Variants in CAD observed in about 807,000 individuals in gnomAD.
CAD encodes the protein multifunctional protein CAD.
Under a neutral mutation model 237.2 loss-of-function variants are expected in CAD, and 81 were observed. The observed-to-expected ratio is 0.34, with a 90% CI of 0.29 to 0.41. The LOEUF is 0.41. Among genes scored for constraint, CAD ranks in the 10% least tolerant of loss-of-function variants. The pLI is 1.00. For missense variants in CAD, 2,181 were observed against 2,951.7 expected, an observed-to-expected ratio of 0.74 and a Z score of 6.05; for synonymous variants, 1,196 against 1,162.8, an observed-to-expected ratio of 1.03 and a Z score of -0.58.
intron 15 of CAD, among the ~76,000 whole-genome samples, chr2:27,229,634 T>C (rs1408508367): frequency 6.6e-6 from 1 of 151,890 alleles, no homozygotes; most frequent in Admixed American, 6.6e-5. Context: ...TCCCAGCACA[T>C]TGGGAGGGTG....
chr2:27,224,592 T>C, intron 9 of CAD, 102 bp downstream of exon 9: 1 of 1,551,390 alleles, frequency 6.4e-7, no homozygotes. Context: ...TGAACCAGAT[T>C]TGGGGAATGT....
chr2:27,242,422 A>G lies in CAD; in HGVS notation c.6217A>G (p.Met2073Val), dbSNP rs1443539778. 3 of 1,613,490 alleles carry G rather than the reference A, an allele frequency of 1.9e-6. No homozygotes were observed. Among genetic ancestry groups the G allele is most frequent in the African/African-American group, 1.3e-5 (1 of 75,046 alleles). Reference sequence around the variant, plus strand: ...TGAGGAGCTGGGAACTGTCAATGGCATGACGGTGAGGGTGGTGGCAGGGTT... The same window carrying G: ...TGAGGAGCTGGGAACTGTCAATGGCGTGACGGTGAGGGTGGTGGCAGGGTT... ...IREELGTVNG[M>V]TITMVGDLKH... Residue 2073 changes from methionine (M) to valine (V), a missense_variant, in exon 40 of 44, where the codon ATG (methionine) becomes GTG (valine). Transcript: ENST00000264705. The surrounding 1 kb of genome is among the most constrained non-coding windows in gnomAD (Gnocchi z 6.4).
In CAD at chr2:27,233,493, T is replaced by C. The variant is rs888352800; in HGVS notation, c.3173T>C (p.Ile1058Thr). The C allele has an allele frequency of 6.2e-7, 1 of 1,614,170 alleles. No individual in the cohort carries two copies. The highest frequency in any genetic ancestry group is 8.5e-7 in the Non-Finnish European group (1 of 1,180,032). ...RFKFSRLLDT[I>T]GISQPQWREL... The stretch of plus-strand genomic sequence containing the variant: ...AAGTTTTCCCGGCTCCTTGACACCA[T>C]TGGTATCAGCCAGCCTCAGTGGAGG... The change falls in exon 20 of 44, where the codon ATT becomes ACT. Residue 1058 changes from isoleucine to threonine, a missense_variant. This residue lies in a region of CAD where 306 missense variants were observed against 607.9 expected (regional missense o/e 0.50). Transcript: ENST00000264705. This position sits in a 1 kb window ranked among gnomAD's most constrained non-coding sequence, Gnocchi z 6.3.
In CAD at chr2:27,226,599, G is replaced by T. The variant is rs1405662141; in HGVS notation, c.2106G>T (p.Leu702=). ...ALASKATGYP[L]AYVAAKLALG... ...CCAGTAAGGCCACAGGTTATCCACT[G>T]GCTTATGTGGCAGCCAAGCTAGCAT... Residue 702 remains leucine, a synonymous_variant, in exon 14 of 44, where the codon CTG becomes CTT. Coordinates refer to ENST00000264705, the MANE Select transcript of CAD (RefSeq NM_004341.5). 3 of 1,614,056 alleles carry T rather than the reference G, an allele frequency of 1.9e-6. No homozygotes were observed. Among genetic ancestry groups the T allele is most frequent in the Non-Finnish European group, 2.5e-6 (3 of 1,180,034 alleles).
chr2:27,229,876 G>GA (rs1215538368), intron 15 of CAD, among the ~76,000 whole-genome samples: 7,721 of 85,180 alleles, frequency 0.091, 362 homozygotes, highest in African/African-American at 0.15. Context: ...CTACGTCTCA[G>GA]AAAAAAAAAA....
chr2:27,227,806 A>G (rs1558533135), intron 15 of CAD, among the ~76,000 whole-genome samples: 1 of 152,242 alleles, frequency 6.6e-6, no homozygotes, highest in Non-Finnish European at 1.5e-5. Context: ...TTATACAAGT[A>G]AGAAACATGA....
rs1422317529 is a variant in CAD at position 27,226,325 on chromosome 2, C to G, written c.2031+6C>G. On this transcript the variant is annotated splice_donor_region_variant and intron_variant, in intron 13 of 43. Transcript: ENST00000264705. The stretch of plus-strand genomic sequence containing the variant: ...TGAACCCTGAGTCTGAGCAGGTAAG[C>G]TCTAGGCCCTGGAACTGATAGTCTA... 1.2e-6 allele frequency: 2 copies of G among 1,613,322 alleles called. No individual in the cohort carries two copies. Among genetic ancestry groups the G allele is most frequent in the African/African-American group, 2.7e-5 (2 of 75,008 alleles).
rs1009692527 is a variant in CAD at position 27,236,478 on chromosome 2, C to T, written c.4269C>T (p.Ser1423=). ...CCCGACGCTTGGCCGCTGACTTCTC[C>T]GTGCCCCTAATCATCGATATCAAGT... is the stretch of plus-strand genomic sequence containing the variant. ...YRTRRLAADF[S]VPLIIDIKCT... The change falls in exon 26 of 44, where the codon TCC becomes TCT. Residue 1423 remains serine, a synonymous_variant. Transcript: ENST00000264705. This position sits in a 1 kb window ranked among gnomAD's most constrained non-coding sequence, Gnocchi z 4.1. 7.4e-6 allele frequency: 12 copies of T among 1,613,566 alleles called. No homozygotes were observed. The highest frequency in any genetic ancestry group is 1.6e-4 in the Middle Eastern group (1 of 6,082).
At chr2:27,225,267 G>A in intron 11 of CAD, 24 bp downstream of exon 11, 1 of 1,370,212 alleles carries the variant, frequency 7.3e-7, no homozygotes, top group Non-Finnish European at 1.0e-6. Flanking sequence ...TTGGGTAAAG[G>A]AAGAATGGTG....
chr2:27,236,862 C>T lies in CAD; in HGVS notation c.4396+32C>T. 6.3e-7 allele frequency: 1 copy of T among 1,576,166 alleles called. No individual in the cohort carries two copies. Among genetic ancestry groups the T allele is most frequent in the Non-Finnish European group, 8.7e-7 (1 of 1,145,468 alleles). On this transcript the variant is annotated intron_variant, in intron 27 of 43. Transcript: ENST00000264705. This position sits in a 1 kb window ranked among gnomAD's most constrained non-coding sequence, Gnocchi z 4.1. The stretch of plus-strand genomic sequence containing the variant: ...CTTTGGGGAGAACTTGGCTTCTGAA[C>T]ACTGGCAGCCCCTGGCATAGAGACC...
At position 27,240,373 on chromosome 2, in the gene CAD, G is replaced by A. The variant is rs1676254839; in HGVS notation, c.5593+12G>A. On this transcript the variant is annotated intron_variant, in intron 35 of 43. Coordinates refer to ENST00000264705, the MANE Select transcript of CAD (RefSeq NM_004341.5). The surrounding 1 kb of genome is among the most constrained non-coding windows in gnomAD (Gnocchi z 4.6). Reference sequence around the variant, plus strand: ...CCCAGGTTTGCCAGGTAAGAGTGGGGTTCCTGTGACTCAGAGACTGTGTAG... The same window carrying A: ...CCCAGGTTTGCCAGGTAAGAGTGGGATTCCTGTGACTCAGAGACTGTGTAG... 6.2e-7 allele frequency: 1 copy of A among 1,612,248 alleles called. No individual in the cohort carries two copies. Among genetic ancestry groups the A allele is most frequent in the Non-Finnish European group, 8.5e-7 (1 of 1,178,288 alleles).
At position 27,222,216 on chromosome 2, in the gene CAD, C is replaced by G. The variant is rs539232010; in HGVS notation, c.375C>G (p.Thr125=). Residue 125 remains threonine, a synonymous_variant, in exon 4 of 44, where the codon ACC becomes ACG. Coordinates refer to ENST00000264705, the MANE Select transcript of CAD (RefSeq NM_004341.5). The part of the protein sequence containing the change: ...GLQGVDTREL[T]KKLREQGSLL... ...CAGGAGTAGACACTCGGGAGCTGAC[C>G]AAGAAGTTGCGGGAACAGGGGTCTC... 3 of 1,613,848 alleles carry G rather than the reference C, an allele frequency of 1.9e-6. No homozygotes were observed. The highest frequency in any genetic ancestry group is 2.5e-6 in the Non-Finnish European group (3 of 1,179,914).
rs142358070 is a variant in CAD at position 27,220,453 on chromosome 2, C to T, written c.223-765C>T. Among the ~76,000 whole-genome samples the T allele has an allele frequency of 9.6e-3, 1,451 of 150,748 alleles. 10 individuals carry two copies. Among genetic ancestry groups the T allele is most frequent in the South Asian group, 0.028 (134 of 4,786 alleles). ...CGCTTGAGCCCAGGAAGTTTGAGAG[C>T]AGCCTGGCAACATGGTGAGACGCTG... On this transcript the variant is annotated intron_variant, in intron 2 of 43. Transcript: ENST00000264705.
Position 27,240,508 on chromosome 2 carries a change from C to T in CAD, c.5593+147C>T. On this transcript the variant is annotated intron_variant, in intron 35 of 43. Coordinates refer to ENST00000264705, the MANE Select transcript of CAD (RefSeq NM_004341.5). This position sits in a 1 kb window ranked among gnomAD's most constrained non-coding sequence, Gnocchi z 4.6. ...CGTGCCATCCTTTGCCTAAACAAGT[C>T]TCCCCGGTGTGAGTAGACATCTCAC... is the stretch of plus-strand genomic sequence containing the variant. 6.5e-7 allele frequency: 1 copy of T among 1,527,102 alleles called. No homozygotes were observed. Among genetic ancestry groups the T allele is most frequent in the Non-Finnish European group, 8.9e-7 (1 of 1,122,958 alleles). 94.6% of individuals were successfully genotyped at this position (1,527,102 alleles called of 1,614,324 possible). A position where few individuals can be genotyped will look rare whatever the true frequency, so the allele number is the denominator to read the frequency against.
chr2:27,238,100 A>G lies in CAD; in HGVS notation c.4773A>G (p.Ala1591=), dbSNP rs1141313. 0.33 allele frequency: 525,515 copies of G among 1,613,914 alleles called. 97,195 individuals are homozygous for G. Among genetic ancestry groups the G allele is most frequent in the African/African-American group, 0.77 (57,513 of 74,958 alleles). The change falls in exon 30 of 44, where the codon GCA becomes GCG. Residue 1591 remains alanine, a synonymous_variant. Transcript: ENST00000264705. ...CCCACCTCCCCATTGTGGCTCACGC[A>G]GAGCAGCAAACCGTGGCTGCTGTCC... ...WPSHLPIVAH[A]EQQTVAAVLM...
chr2:27,227,184 T>C (rs986840181), intron 15 of CAD, among the ~76,000 whole-genome samples: 3 of 152,242 alleles, frequency 2.0e-5, no homozygotes, highest in Admixed American at 2.0e-4. Context: ...CTATCTCATC[T>C]CATTTTTGCA....
At chr2:27,220,871 T>G (rs540153518) in intron 2 of CAD, among the ~76,000 whole-genome samples, 1 of 151,932 alleles carries the variant, frequency 6.6e-6, no homozygotes, top group South Asian at 2.1e-4. Flanking sequence ...AGCAAGAGAA[T>G]TGCTTGAATC....
Position 27,240,922 on chromosome 2 carries a change from AAGG to A in CAD, c.5608_5610del (p.Glu1870del), listed in dbSNP as rs1282480712. On this transcript the variant is annotated inframe_deletion, in exon 36 of 44. Coordinates refer to ENST00000264705, the MANE Select transcript of CAD (RefSeq NM_004341.5). The surrounding 1 kb of genome is among the most constrained non-coding windows in gnomAD (Gnocchi z 4.6). ...TGTCCTGTTTGCAGCTGAGGAGCCA[AAGG>A]AGAAGTCCTCTCGGAAGGTAGCCGA... 6.2e-7 allele frequency: 1 copy of A among 1,613,932 alleles called. No individual in the cohort carries two copies. The highest frequency in any genetic ancestry group is 2.2e-5 in the East Asian group (1 of 44,896).
chr2:27,218,657 C>T (rs550860000), intron 2 of CAD, among the ~76,000 whole-genome samples: 19 of 151,766 alleles, frequency 1.3e-4, no homozygotes, highest in Non-Finnish European at 1.9e-4. Flanking sequence ...TGTGTTCTTA[C>T]CTCTAGGTGA....
Sources: allele counts gnomAD v4.1 joint callset (sites outside exome capture counted in the v4.1 genomes callset), GRCh38; gene constraint gnomAD v4.1.1; regional missense constraint gnomAD v4.1.1; non-coding constraint Gnocchi (gnomAD v3.1); transcripts MANE v1.5; gene names NCBI Gene and HGNC (gene_info 2026-07-23, HGNC 2026-07-21).